NFYA: variants seen among roughly 807,000 people sequenced by gnomAD.
NFYA encodes the protein nuclear transcription factor Y subunit alpha, also known as CAAT-box DNA binding protein subunit A.
In NFYA, 28 loss-of-function variants were observed where a neutral mutation model predicts 52.8. The ratio of observed to expected loss-of-function variants is 0.53; its 90% CI spans 0.39 to 0.73. The LOEUF (loss-of-function observed/expected upper bound fraction) is 0.73, where lower values mean the gene tolerates loss of function less well. NFYA is among the 30% of genes least tolerant of loss of function. The pLI is 0.00. For missense variants in NFYA, 234 were observed against 427.0 expected (o/e 0.55, Z 3.98); for synonymous variants, 150 against 150.7 (o/e 1.00, Z 0.03).
At position 41,101,555 on chromosome 6, in the gene NFYA, G is replaced by A. The variant is rs1365392456; in HGVS notation, c.*4145G>A. Among the ~76,000 whole-genome samples the A allele has an allele frequency of 6.6e-6, 1 of 152,148 alleles. No individual in the cohort carries two copies. The highest frequency in any genetic ancestry group is 2.4e-5 in the African/African-American group (1 of 41,428). ...AGTTAATTCGTTCTTGGCGTCATAA[G>A]TATATGCCCGCCGTTGTTCTGGCCG... On this transcript the variant is annotated 3_prime_UTR_variant, in exon 10 of 10. Transcript: ENST00000341376.
chr6:41,084,655 CAA>C (rs1310031976), intron 4 of NFYA, among the ~76,000 whole-genome samples: 1 of 152,096 alleles, frequency 6.6e-6, no homozygotes, highest in Non-Finnish European at 1.5e-5. Flanking sequence ...CAAAAGTAAG[CAA>C]AGATGTAGAA....
Position 41,101,208 on chromosome 6 carries a change from A to G in NFYA, c.*3798A>G, listed in dbSNP as rs1378600257. The G allele has an allele frequency of 6.6e-6, 1 of 152,262 alleles. No individual in the cohort carries two copies. The highest frequency in any genetic ancestry group is 1.9e-4 in the East Asian group (1 of 5,188). The allele number at this position is 152,262 out of a possible 1,614,324, so 9.4% of individuals were successfully genotyped here. A position where few individuals can be genotyped will look rare whatever the true frequency, so the allele number is the denominator to read the frequency against. Reference sequence around the variant, plus strand: ...GGGCGACGGCCGGCACTTGCACTTAAGTCTCCTGGCCTGCGGGAGAGGCGG... The same window carrying G: ...GGGCGACGGCCGGCACTTGCACTTAGGTCTCCTGGCCTGCGGGAGAGGCGG... On this transcript the variant is annotated 3_prime_UTR_variant, in exon 10 of 10. Transcript: ENST00000341376.
chr6:41,085,932 G>T lies in NFYA; in HGVS notation c.309+1740G>T, dbSNP rs996470940. Among the ~76,000 whole-genome samples, 2 of 152,050 alleles carry T rather than the reference G, an allele frequency of 1.3e-5. 1 individual carries two copies. Among genetic ancestry groups the T allele is most frequent in the African/African-American group, 4.8e-5 (2 of 41,408 alleles). ...ATTTCTTTGGATTGGGGATTGCTTG[G>T]GTAAAGGGTAAGAGTATATTTGAGC... is the stretch of plus-strand genomic sequence containing the variant. On this transcript the variant is annotated intron_variant, in intron 4 of 9. Coordinates refer to ENST00000341376, the MANE Select transcript of NFYA (RefSeq NM_002505.5).
Position 41,091,673 on chromosome 6 carries a change from C to G in NFYA, c.693C>G (p.Val231=). The G allele has an allele frequency of 2.5e-6, 4 of 1,614,066 alleles. No individual in the cohort carries two copies. The highest frequency in any genetic ancestry group is 3.4e-6 in the Non-Finnish European group (4 of 1,180,000). Residue 231 remains valine, a synonymous_variant, in exon 7 of 10, where the codon GTC becomes GTG. Transcript: ENST00000341376. ...CACTACCAGTGGCAGGCAATGTGGT[C>G]AATTCAGGAGGGATGGTCATGGTAA... ...TVTLPVAGNV[V]NSGGMVMMVP... is the part of the protein sequence containing the mutation.
intron 4 of NFYA, among the ~76,000 whole-genome samples, chr6:41,085,498 C>T (rs1341828140): frequency 1.3e-5 from 2 of 151,942 alleles, no homozygotes; most frequent in East Asian, 1.9e-4. Flanking sequence ...TAACCAACCC[C>T]CCATGAGTAT....
At chr6:41,082,130 A>T (rs1763927334) in intron 3 of NFYA, among the ~76,000 whole-genome samples, 1 of 152,248 alleles carries the variant, frequency 6.6e-6, no homozygotes, top group Admixed American at 6.5e-5. Context: ...AGTGCTGCTA[A>T]GCATCCAGCA....
chr6:41,094,578 C>G (rs1198425425), intron 9 of NFYA, 81 bp downstream of exon 9: 2 of 1,013,540 alleles, frequency 2.0e-6, no homozygotes, highest in South Asian at 2.7e-5. Context: ...TGTCCTCTTG[C>G]TATTTTCCTA....
chr6:41,091,535 C>A lies in NFYA; in HGVS notation c.555C>A (p.Val185=), dbSNP rs1365730772. The change falls in exon 7 of 10, where the codon GTC becomes GTA. Residue 185 remains valine (V), a synonymous_variant. Coordinates refer to ENST00000341376, the MANE Select transcript of NFYA (RefSeq NM_002505.5). ...TGTTTTGTTTTCTTAAAGTTACAGT[C>A]CCTGTTTCAGGCATGATCACTATCC... ...ADGTILQQVT[V]PVSGMITIPA... 6.2e-7 allele frequency: 1 copy of A among 1,613,452 alleles called. No homozygotes were observed. Among genetic ancestry groups the A allele is most frequent in the Non-Finnish European group, 8.5e-7 (1 of 1,179,834 alleles).
chr6:41,074,572 G>A (rs1763678996), intron 1 of NFYA, among the ~76,000 whole-genome samples: 1 of 152,214 alleles, frequency 6.6e-6, no homozygotes. Context: ...GAGCTTGCTC[G>A]AAGAGAAGAA....
rs1764424472 is a variant in NFYA at position 41,098,682 on chromosome 6, A to G, written c.*1272A>G. On this transcript the variant is annotated 3_prime_UTR_variant, in exon 10 of 10. Coordinates refer to ENST00000341376, the MANE Select transcript of NFYA (RefSeq NM_002505.5). Reference sequence around the variant, plus strand: ...GAAAGCGAGCATTTTCATTCTTCCCATGGCAGCTGATTCTTTGGTGCCAGT... The same window carrying G: ...GAAAGCGAGCATTTTCATTCTTCCCGTGGCAGCTGATTCTTTGGTGCCAGT... The G allele has an allele frequency of 6.6e-6, 1 of 152,568 alleles. No homozygotes were observed. Among genetic ancestry groups the G allele is most frequent in the South Asian group, 2.1e-4 (1 of 4,814 alleles). The allele number at this position is 152,568 out of a possible 1,614,324, so 9.5% of individuals were successfully genotyped here. A position where few individuals can be genotyped will look rare whatever the true frequency, so the allele number is the denominator to read the frequency against.
In NFYA at chr6:41,100,989, T is replaced by A. The variant is rs940312171; in HGVS notation, c.*3579T>A. Reference sequence around the variant, plus strand: ...CTAGGCGGATTGGCTGCTACGCGGCTGGGCCCTGTTTCCGGTACCTAGGCG... The same window carrying A: ...CTAGGCGGATTGGCTGCTACGCGGCAGGGCCCTGTTTCCGGTACCTAGGCG... On this transcript the variant is annotated 3_prime_UTR_variant, in exon 10 of 10. Transcript: ENST00000341376. 2.6e-5 allele frequency: 4 copies of A among 152,280 alleles called. No individual in the cohort carries two copies. The highest frequency in any genetic ancestry group is 4.4e-5 in the Non-Finnish European group (3 of 68,080). 9.4% of individuals were successfully genotyped at this position (152,280 alleles called of 1,614,324 possible). A position where few individuals can be genotyped will look rare whatever the true frequency, so the allele number is the denominator to read the frequency against.
At chr6:41,081,040 T>C (rs1763891122) in intron 3 of NFYA, 143 bp downstream of exon 3, 2 of 592,526 alleles carry the variant, frequency 3.4e-6, no homozygotes, top group Admixed American at 2.8e-5. Flanking sequence ...TTGAGGCTTA[T>C]AAGATGCCAG....
chr6:41,077,526 G>A (rs912211537), intron 1 of NFYA, among the ~76,000 whole-genome samples: 6 of 141,254 alleles, frequency 4.2e-5, no homozygotes, highest in African/African-American at 1.4e-4. Context: ...AATTTTATTA[G>A]TTTATAGCCA....
intron 6 of NFYA, 99 bp from the exon 7 acceptor site, chr6:41,091,429 C>T (rs1254696152): frequency 3.6e-5 from 42 of 1,173,286 alleles, no homozygotes; most frequent in Middle Eastern, 2.1e-4. Flanking sequence ...TTGCCAGGAT[C>T]GGTGAGTGTA....
chr6:41,088,524 T>A (rs1351277206), intron 4 of NFYA, among the ~76,000 whole-genome samples: 1 of 152,130 alleles, frequency 6.6e-6, no homozygotes, highest in Non-Finnish European at 1.5e-5. Context: ...AAGGCCCTTA[T>A]CAAGGTGTTG....
chr6:41,087,778 G>C (rs1022870765), intron 4 of NFYA, among the ~76,000 whole-genome samples: 2 of 152,006 alleles, frequency 1.3e-5, no homozygotes, highest in Non-Finnish European at 2.9e-5. Flanking sequence ...CATTTAAAGG[G>C]TTGTATTGCA....
At chr6:41,079,281 T>C (rs1204132709) in intron 2 of NFYA, 117 bp downstream of exon 2, 3 of 938,336 alleles carry the variant, frequency 3.2e-6, no homozygotes, top group South Asian at 1.5e-5. Flanking sequence ...TTGTGAGATA[T>C]TGGGTCTGAT....
intron 4 of NFYA, among the ~76,000 whole-genome samples, chr6:41,088,390 T>C (rs1582031181): frequency 8.1e-6 from 1 of 123,018 alleles, no homozygotes; most frequent in African/African-American, 3.3e-5. Context: ...ACCACTGCAC[T>C]CCAGCCTGAG....
Position 41,079,144 on chromosome 6 carries a change from G to A in NFYA, c.55G>A (p.Ala19Thr). Residue 19 changes from alanine (A) to threonine (T), a missense_variant, in exon 2 of 10, where the codon GCA becomes ACA. Ala to Thr is a moderately conservative substitution (Grantham distance 58). Coordinates refer to ENST00000341376, the MANE Select transcript of NFYA (RefSeq NM_002505.5). ...TTCGACAGAGCAGATTGTTGTCCAG[G>A]CAGGACAGATTCAGCAGCAGGTATG... is the stretch of plus-strand genomic sequence containing the variant. ...NSSTEQIVVQ[A>T]GQIQQQQQGG... The A allele has an allele frequency of 1.2e-6, 2 of 1,614,172 alleles. No homozygotes were observed. Among genetic ancestry groups the A allele is most frequent in the Non-Finnish European group, 1.7e-6 (2 of 1,180,014 alleles).
Sources: gnomAD v4.1 joint callset for allele counts (sites outside exome capture counted in the v4.1 genomes callset) on GRCh38, gnomAD v4.1.1 for gene constraint, MANE v1.5 for transcripts, NCBI Gene and HGNC (gene_info 2026-07-23, HGNC 2026-07-21) for gene names.